Variants in IGDCC3 observed in about 807,000 individuals in gnomAD.
IGDCC3 encodes the protein immunoglobulin superfamily DCC subclass member 3.
IGDCC3 carries 47 observed loss-of-function variants against 72.0 expected under a neutral mutation model. That is an observed-to-expected ratio of 0.65 (90% CI 0.52 to 0.83). The LOEUF is 0.83. Ranked by LOEUF, IGDCC3 falls within the 40% of genes least tolerant of loss-of-function variation. The pLI is 0.00. For missense variants in IGDCC3, 1,038 were observed against 1,091.3 expected, an observed-to-expected ratio of 0.95 and a Z score of 0.69; for synonymous variants, 477 against 472.8, an observed-to-expected ratio of 1.01 and a Z score of -0.11.
At position 65,335,293 on chromosome 15, in the gene IGDCC3, G is replaced by A; in HGVS notation, c.683C>T (p.Ser228Leu). Reference protein sequence around the residue: ...RISHGARLTVSGSGSGAYKEP... With the variant: ...RISHGARLTVLGSGSGAYKEP... ...GGAAAGTGCTGAAGGACCCTCACCT[G>A]ACACAGTGAGCCTGGCCCCGTGGCT... The change falls in exon 4 of 14, where the codon TCA becomes TTA. Residue 228 changes from serine to leucine, a missense_variant and splice_region_variant. Physicochemically the swap from Ser to Leu is moderately radical, Grantham distance 145 (BLOSUM62 -2). Coordinates refer to ENST00000327987, the MANE Select transcript of IGDCC3 (RefSeq NM_004884.4). The A allele has an allele frequency of 6.2e-7, 1 of 1,608,808 alleles. No individual in the cohort carries two copies. The highest frequency in any genetic ancestry group is 1.1e-5 in the South Asian group (1 of 90,216).
intron 2 of IGDCC3, among the ~76,000 whole-genome samples, chr15:65,343,685 C>T (rs1008941832): frequency 6.6e-6 from 1 of 152,194 alleles, no homozygotes; most frequent in East Asian, 1.9e-4. Flanking sequence ...CTGGCCTCCA[C>T]GCAGACCCAC....
At chr15:65,364,749 T>C (rs2140167022) in intron 2 of IGDCC3, among the ~76,000 whole-genome samples, 1 of 152,218 alleles carries the variant, frequency 6.6e-6, no homozygotes, top group Non-Finnish European at 1.5e-5. Flanking sequence ...GGCGTGGTAT[T>C]GTGTGCTTGT....
chr15:65,361,942 A>ATCTGCGACC (rs1357807808), intron 2 of IGDCC3, among the ~76,000 whole-genome samples: 3 of 152,148 alleles, frequency 2.0e-5, no homozygotes, highest in Non-Finnish European at 2.9e-5. Context: ...GCGACCAGGG[A>ATCTGCGACC]TCTGCGACCG....
intron 4 of IGDCC3, 100 bp downstream of exon 4, chr15:65,335,191 G>T: frequency 7.5e-7 from 1 of 1,325,650 alleles, no homozygotes; most frequent in Non-Finnish European, 1.0e-6. Flanking sequence ...GCACGTGGCT[G>T]AGAAGGCTGC....
chr15:65,344,129 T>G (rs1396074295), intron 2 of IGDCC3, among the ~76,000 whole-genome samples: 3 of 152,142 alleles, frequency 2.0e-5, no homozygotes, highest in Non-Finnish European at 2.9e-5. Context: ...CCAAAGAGTA[T>G]GTTTTGAGAA....
At position 65,362,846 on chromosome 15, in the gene IGDCC3, ATT is replaced by A. The variant is rs869239198; in HGVS notation, c.409+12249_409+12250del. On this transcript the variant is annotated intron_variant, in intron 2 of 13. Coordinates refer to ENST00000327987, the MANE Select transcript of IGDCC3 (RefSeq NM_004884.4). ...GTTTTATTACCAGCGAGGTTTGGGG[ATT>A]TTTTTTTTTTTTTTTTTTTTTTTTT... Among the ~76,000 whole-genome samples, 382 of 85,714 alleles carry A rather than the reference ATT, an allele frequency of 4.5e-3. 1 individual carries two copies. Among genetic ancestry groups the A allele is most frequent in the Middle Eastern group, 6.8e-3 (1 of 146 alleles). The allele number at this position is 85,714 out of a possible 152,430, so 56.2% of individuals were successfully genotyped here. A position where few individuals can be genotyped will look rare whatever the true frequency, so the allele number is the denominator to read the frequency against.
intron 2 of IGDCC3, among the ~76,000 whole-genome samples, chr15:65,336,290 G>T (rs1183403885): frequency 6.6e-6 from 1 of 152,074 alleles, no homozygotes; most frequent in East Asian, 1.9e-4. Flanking sequence ...ACCCATGAAG[G>T]CCAATCAGAC....
At position 65,328,857 on chromosome 15, in the gene IGDCC3, A is replaced by T; in HGVS notation, c.*52T>A. ...CATGACAGTAGAAATCTTGCTTTTG[A>T]CCTGAGAATGGGCCCCGCTCCGTCC... On this transcript the variant is annotated 3_prime_UTR_variant, in exon 14 of 14. Coordinates refer to ENST00000327987, the MANE Select transcript of IGDCC3 (RefSeq NM_004884.4). 1 of 1,487,758 alleles carries T rather than the reference A, an allele frequency of 6.7e-7. No homozygotes were observed. Among genetic ancestry groups the T allele is most frequent in the Non-Finnish European group, 8.9e-7 (1 of 1,119,354 alleles). 92.2% of individuals were successfully genotyped at this position (1,487,758 alleles called of 1,614,324 possible).
At chr15:65,364,200 C>T (rs1003638849) in intron 2 of IGDCC3, among the ~76,000 whole-genome samples, 2 of 152,194 alleles carry the variant, frequency 1.3e-5, no homozygotes, top group Non-Finnish European at 2.9e-5. Context: ...GACATTCAGG[C>T]CAGTGAATTT....
intron 2 of IGDCC3, among the ~76,000 whole-genome samples, chr15:65,362,201 T>C (rs1352959513): frequency 6.6e-6 from 1 of 151,704 alleles, no homozygotes; most frequent in Admixed American, 6.6e-5. Flanking sequence ...ACTTTACAAT[T>C]GGGAAGGGAT....
In IGDCC3 at chr15:65,333,362, TGAG is replaced by T; in HGVS notation, c.874_876del (p.Leu292del). ...TGCTGGACCGTCACGTCTGAGATGA[TGAG>T]GTTTCCTGTGCCCAGCACCTGGATG... On this transcript the variant is annotated inframe_deletion, in exon 6 of 14. Coordinates refer to ENST00000327987, the MANE Select transcript of IGDCC3 (RefSeq NM_004884.4). The T allele has an allele frequency of 6.2e-7, 1 of 1,611,850 alleles. No individual in the cohort carries two copies. Among genetic ancestry groups the T allele is most frequent in the Non-Finnish European group, 8.5e-7 (1 of 1,178,868 alleles).
At chr15:65,346,514 T>C (rs926064888) in intron 2 of IGDCC3, among the ~76,000 whole-genome samples, 10 of 151,424 alleles carry the variant, frequency 6.6e-5, no homozygotes, top group African/African-American at 1.9e-4. Context: ...TGGAGTGCAA[T>C]GGCGCGATCT....
chr15:65,377,716 G>A lies in IGDCC3; in HGVS notation c.73C>T (p.Leu25=), dbSNP rs576557987. 3 of 1,384,004 alleles carry A rather than the reference G, an allele frequency of 2.2e-6. No homozygotes were observed. Among genetic ancestry groups the A allele is most frequent in the Non-Finnish European group, 2.8e-6 (3 of 1,072,706 alleles). 85.7% of individuals were successfully genotyped at this position (1,384,004 alleles called of 1,614,324 possible). Residue 25 remains leucine, a synonymous_variant, in exon 1 of 14, where the codon CTG becomes TTG. Transcript: ENST00000327987. The surrounding 1 kb of genome is among the most constrained non-coding windows in gnomAD (Gnocchi z 4.9). The part of the protein sequence containing the change: ...PLWPRLLLPL[L]LLLLPAPSEG... ...CTCGGCGCGGGCAGCAGCAGCAACAGCAGCGGCAGCAGGAGCCGGGGCCAG... is the reference window on the plus strand; with the variant it reads ...CTCGGCGCGGGCAGCAGCAGCAACAACAGCGGCAGCAGGAGCCGGGGCCAG...
At chr15:65,351,603 T>C (rs910149940) in intron 2 of IGDCC3, among the ~76,000 whole-genome samples, 3 of 152,202 alleles carry the variant, frequency 2.0e-5, no homozygotes, top group African/African-American at 7.2e-5. Flanking sequence ...CTATAAAATT[T>C]TATTTAAAAT....
intron 1 of IGDCC3, among the ~76,000 whole-genome samples, chr15:65,376,137 C>T (rs2091357429): frequency 6.6e-6 from 1 of 152,122 alleles, no homozygotes; most frequent in African/African-American, 2.4e-5. Context: ...GTCCTTTTGC[C>T]TTTGTCATAG....
chr15:65,334,691 G>A (rs201687985), intron 5 of IGDCC3, 37 bp downstream of exon 5: 405 of 1,510,286 alleles, frequency 2.7e-4, no homozygotes, highest in Non-Finnish European at 3.4e-4. Flanking sequence ...GGGTGGGACA[G>A]GCTGGGAGGG....
At chr15:65,333,234 C>T in intron 6 of IGDCC3, 23 bp downstream of exon 6, 3 of 1,580,942 alleles carry the variant, frequency 1.9e-6, no homozygotes, top group Non-Finnish European at 2.6e-6. Flanking sequence ...CTGCCCTCCT[C>T]CTCAGGGTTG....
rs1477304199 is a variant in IGDCC3 at position 65,377,269 on chromosome 15, G to A, written c.103+417C>T. Among the ~76,000 whole-genome samples, 1 of 152,130 alleles carries A rather than the reference G, an allele frequency of 6.6e-6. No homozygotes were observed. Among genetic ancestry groups the A allele is most frequent in the East Asian group, 1.9e-4 (1 of 5,186 alleles). On this transcript the variant is annotated intron_variant, in intron 1 of 13. Coordinates refer to ENST00000327987, the MANE Select transcript of IGDCC3 (RefSeq NM_004884.4). The surrounding 1 kb of genome is among the most constrained non-coding windows in gnomAD (Gnocchi z 4.9). ...AGTCCCGGTCTCCGCTCCCCAGGCT[G>A]CTGTCCCCTGTCTTGGCTGCCTCGG... is the stretch of plus-strand genomic sequence containing the variant.
chr15:65,369,898 C>CA (rs2091312791), intron 2 of IGDCC3, among the ~76,000 whole-genome samples: 1 of 152,162 alleles, frequency 6.6e-6, no homozygotes, highest in Non-Finnish European at 1.5e-5. Context: ...TCCACCCAGA[C>CA]CCTGCCCCCA....
Sources: gnomAD v4.1 joint callset for allele counts (sites outside exome capture counted in the v4.1 genomes callset) on GRCh38, gnomAD v4.1.1 for gene constraint, Gnocchi (gnomAD v3.1) non-coding constraint, MANE v1.5 for transcripts, NCBI Gene and HGNC (gene_info 2026-07-23, HGNC 2026-07-21) for gene names.